SMYD3: variants seen among roughly 807,000 people sequenced by gnomAD.
SMYD3 encodes SET and MYND domain containing 3, also known as histone-lysine N-methyltransferase SMYD3.
Under a neutral mutation model 57.7 loss-of-function variants are expected in SMYD3, and 36 were observed. That is an observed-to-expected ratio of 0.62 (90% confidence interval 0.48 to 0.82). The LOEUF (loss-of-function observed/expected upper bound fraction) is 0.82, where lower values mean the gene tolerates loss of function less well. Ranked by LOEUF, SMYD3 falls within the 40% of genes least tolerant of loss-of-function variation. SMYD3 has a pLI of 0.00. For missense variants in SMYD3, 515 were observed against 538.8 expected, an observed-to-expected ratio of 0.96 and a Z score of 0.44; for synonymous variants, 211 against 195.0, an observed-to-expected ratio of 1.08 and a Z score of -0.68.
intron 8 of SMYD3, among the ~76,000 whole-genome samples, chr1:245,877,676 G>A (rs1022863905): frequency 6.6e-6 from 1 of 152,170 alleles, no homozygotes; most frequent in Non-Finnish European, 1.5e-5. Flanking sequence ...CCAGGACAAC[G>A]GCCATGCATC....
intron 5 of SMYD3, among the ~76,000 whole-genome samples, chr1:246,254,407 G>C (rs114966206): frequency 0.023 from 3,458 of 152,174 alleles, 71 homozygotes; most frequent in Non-Finnish European, 0.036. Flanking sequence ...TTTCCTCATT[G>C]CTTATTTTTG....
chr1:246,428,699 A>G (rs7514483), intron 1 of SMYD3, among the ~76,000 whole-genome samples: 4 of 77,704 alleles, frequency 5.1e-5, no homozygotes, highest in Non-Finnish European at 1.3e-4. Flanking sequence ...AAACCCGTGC[A>G]ATCTAGACCA....
intron 8 of SMYD3, among the ~76,000 whole-genome samples, chr1:245,912,565 A>C (rs2055073839): frequency 6.6e-6 from 1 of 152,232 alleles, no homozygotes; most frequent in Non-Finnish European, 1.5e-5. Flanking sequence ...CCGAGCAAAA[A>C]GAACAAAGCT....
At chr1:246,437,472 C>T (rs1407881556) in intron 1 of SMYD3, among the ~76,000 whole-genome samples, 1 of 152,172 alleles carries the variant, frequency 6.6e-6, no homozygotes, top group Non-Finnish European at 1.5e-5. Context: ...TCTTCTTAGA[C>T]GTCAAGCTAG....
chr1:246,287,736 G>C (rs2064599802), intron 5 of SMYD3, among the ~76,000 whole-genome samples: 1 of 152,176 alleles, frequency 6.6e-6, no homozygotes, highest in Admixed American at 6.5e-5. Context: ...CAGGTTTATG[G>C]AAACAGGAAT....
chr1:246,322,463 CT>C (rs1027895899), intron 5 of SMYD3: 65 of 151,772 alleles, frequency 4.3e-4, no homozygotes, highest in African/African-American at 1.5e-3. Flanking sequence ...GGAGAAACAG[CT>C]TGTAGAGATG....
intron 10 of SMYD3, among the ~76,000 whole-genome samples, chr1:245,777,876 A>G (rs947918951): frequency 6.6e-6 from 1 of 152,212 alleles, no homozygotes; most frequent in African/African-American, 2.4e-5. Context: ...CTACTCTCAG[A>G]ACAAAACAGA....
Position 245,816,688 on chromosome 1 carries a change from C to CA in SMYD3, c.1076+41807_1076+41808insT, listed in dbSNP as rs577789889. Among the ~76,000 whole-genome samples the CA allele has an allele frequency of 7.1e-3, 1,077 of 152,138 alleles. 27 individuals are homozygous for CA. Among genetic ancestry groups the CA allele is most frequent in the African/African-American group, 0.025 (1,025 of 41,506 alleles). On this transcript the variant is annotated intron_variant, in intron 10 of 11. Coordinates refer to ENST00000490107, the MANE Select transcript of SMYD3 (RefSeq NM_001167740.2). ...GACAGTGGGCACAGGTCAGTGGGTG[C>CA]GCGCACCGTGCGCGAGCCGAAGCAG...
chr1:246,273,833 T>G (rs930672273), intron 5 of SMYD3, among the ~76,000 whole-genome samples: 2 of 152,058 alleles, frequency 1.3e-5, no homozygotes, highest in Non-Finnish European at 2.9e-5. Flanking sequence ...TCCACCGGCC[T>G]CCTTAAGTGC....
intron 10 of SMYD3, among the ~76,000 whole-genome samples, chr1:245,830,956 C>G (rs2049800694): frequency 6.6e-6 from 1 of 152,084 alleles, no homozygotes; most frequent in African/African-American, 2.4e-5. Flanking sequence ...CTGGTCCTGC[C>G]CCCCTCCTCG....
chr1:245,762,609 G>A (rs1204349957), intron 11 of SMYD3, among the ~76,000 whole-genome samples: 1 of 152,204 alleles, frequency 6.6e-6, no homozygotes, highest in Non-Finnish European at 1.5e-5. Flanking sequence ...AAAAAGAACA[G>A]AATAGCTGAG....
chr1:245,910,096 A>G (rs2054858824), intron 8 of SMYD3, among the ~76,000 whole-genome samples: 1 of 152,140 alleles, frequency 6.6e-6, no homozygotes, highest in African/African-American at 2.4e-5. Context: ...AAACTGATAA[A>G]TTCAGTTAAG....
intron 1 of SMYD3, among the ~76,000 whole-genome samples, chr1:246,451,792 A>G (rs974291788): frequency 6.6e-6 from 1 of 152,206 alleles, no homozygotes; most frequent in Non-Finnish European, 1.5e-5. Context: ...AGTTAAAACT[A>G]CTCTAAAAAG....
chr1:246,325,491 C>T (rs905902478), intron 5 of SMYD3, among the ~76,000 whole-genome samples: 1 of 152,016 alleles, frequency 6.6e-6, no homozygotes. Context: ...AATCTCAAAA[C>T]TGTGTATTTT....
intron 1 of SMYD3, among the ~76,000 whole-genome samples, chr1:246,399,089 C>T (rs7555587): frequency 0.99 from 150,953 of 152,056 alleles, 74,940 homozygotes; most frequent in Non-Finnish European, 1. Flanking sequence ...TGGCATGATC[C>T]TGGCTCACTG....
chr1:246,281,659 A>G (rs7540272), intron 5 of SMYD3, among the ~76,000 whole-genome samples: 51,171 of 152,064 alleles, frequency 0.34, 9,472 homozygotes, highest in East Asian at 0.72. Flanking sequence ...CAAAACATAC[A>G]AATGAAAATA....
At chr1:245,786,219 G>T (rs1053636922) in intron 10 of SMYD3, among the ~76,000 whole-genome samples, 14 of 148,172 alleles carry the variant, frequency 9.4e-5, no homozygotes, top group Middle Eastern at 6.8e-3. Context: ...TGGACGGGGG[G>T]GGGATGGTGG....
At chr1:245,823,195 C>T (rs2049275805) in intron 10 of SMYD3, among the ~76,000 whole-genome samples, 1 of 152,200 alleles carries the variant, frequency 6.6e-6, no homozygotes, top group African/African-American at 2.4e-5. Context: ...ACAGGAATGG[C>T]ATTTAGAGGA....
chr1:246,428,016 A>G (rs900626844), intron 1 of SMYD3, among the ~76,000 whole-genome samples: 1 of 152,240 alleles, frequency 6.6e-6, no homozygotes, highest in African/African-American at 2.4e-5. Flanking sequence ...ATATCTGCTT[A>G]TCTACTCAAT....
Sources: gnomAD v4.1 joint callset for allele counts (sites outside exome capture counted in the v4.1 genomes callset) on GRCh38, gnomAD v4.1.1 for gene constraint, MANE v1.5 for transcripts, NCBI Gene and HGNC (gene_info 2026-07-23, HGNC 2026-07-21) for gene names.